The following CXADR variants were observed in gnomAD, a reference collection of about 807,000 sequenced individuals.
CXADR encodes coxsackievirus and adenovirus receptor.
CXADR carries 20 observed loss-of-function variants against 40.3 expected under a neutral mutation model. That is an observed-to-expected ratio of 0.50 (90% CI 0.35 to 0.72). The LOEUF is 0.72. Ranked by LOEUF, CXADR falls within the 30% of genes least tolerant of loss-of-function variation. CXADR has a pLI of 0.01. For missense variants in CXADR, 332 were observed against 449.1 expected (o/e 0.74, Z 2.36); for synonymous variants, 150 against 161.3 (o/e 0.93, Z 0.53).
At chr21:17,636,142 C>G in the CXADR span, among the ~76,000 whole-genome samples, 2 of 151,948 alleles carry the variant, frequency 1.3e-5, no homozygotes, top group South Asian at 4.2e-4. Flanking sequence ...GACTTTGTAC[C>G]CTGCCACTGA....
chr21:17,616,524 A>G, the CXADR span, among the ~76,000 whole-genome samples: 1 of 151,732 alleles, frequency 6.6e-6, no homozygotes, highest in Non-Finnish European at 1.5e-5. Flanking sequence ...TTTAGTAGAG[A>G]CAAGGTTTCA....
intron 7 of CXADR, among the ~76,000 whole-genome samples, chr21:17,575,694 C>T (rs1243733907): frequency 6.6e-6 from 1 of 150,898 alleles, no homozygotes; most frequent in African/African-American, 2.4e-5. Context: ...AGGGTTTCAC[C>T]GTGTTAGTCA....
chr21:17,564,219 G>A (rs560758774), intron 6 of CXADR, among the ~76,000 whole-genome samples: 38 of 150,706 alleles, frequency 2.5e-4, no homozygotes, highest in Non-Finnish European at 5.2e-4. Flanking sequence ...GCGGCCAGGC[G>A]CAGTGACTCA....
chr21:17,557,373 C>T (rs1424071105), intron 3 of CXADR, among the ~76,000 whole-genome samples: 1 of 152,224 alleles, frequency 6.6e-6, no homozygotes, highest in Non-Finnish European at 1.5e-5. Flanking sequence ...GTTTAATCCT[C>T]ATTTTTCCTA....
At chr21:17,602,111 T>C in the CXADR span, among the ~76,000 whole-genome samples, 3 of 150,872 alleles carry the variant, frequency 2.0e-5, no homozygotes, top group South Asian at 2.1e-4. Flanking sequence ...AAACAATCAA[T>C]AGTATTTAAC....
In CXADR at chr21:17,565,614, A is replaced by C; in HGVS notation, c.1020A>C (p.Val340=). The stretch of plus-strand genomic sequence containing the variant: ...GTCCGACTCTCCCACCTGCTAAGGT[A>C]GCTGCCCCTAATCTAAGTCGAATGG... ...PQSPTLPPAK[V]AAPNLSRMGA... The change falls in exon 7 of 7, where the codon GTA becomes GTC. Residue 340 remains valine, a synonymous_variant. Transcript: ENST00000284878. 1 of 1,612,760 alleles carries C rather than the reference A, an allele frequency of 6.2e-7. No homozygotes were observed. Among genetic ancestry groups the C allele is most frequent in the East Asian group, 2.2e-5 (1 of 44,882 alleles).
At chr21:17,573,648 C>T (rs2061297345), downstream of CXADR, among the ~76,000 whole-genome samples, 1 of 152,184 alleles carries the variant, frequency 6.6e-6, no homozygotes, top group Non-Finnish European at 1.5e-5. Context: ...GTGGCTCACA[C>T]CTGTAATCTC....
downstream of CXADR, chr21:17,570,259 T>C (rs2061266939): frequency 1.1e-6 from 1 of 877,624 alleles, no homozygotes; most frequent in Non-Finnish European, 1.4e-6. Context: ...TAATACATCA[T>C]TGAAAACATG....
At chr21:17,579,232 CTG>C (rs1376966658) in intron 7 of CXADR, among the ~76,000 whole-genome samples, 5 of 151,950 alleles carry the variant, frequency 3.3e-5, no homozygotes, top group South Asian at 2.1e-4. Context: ...ACATTTGTGA[CTG>C]TGTGGATAGG....
chr21:17,594,986 A>C (rs1429363338), downstream of CXADR, among the ~76,000 whole-genome samples: 1 of 151,606 alleles, frequency 6.6e-6, no homozygotes, highest in African/African-American at 2.4e-5. Context: ...GTGTATCCCT[A>C]AACCTAAAAT....
At chr21:17,513,289 C>A in intron 1 of CXADR, 117 bp downstream of exon 1, 1 of 1,003,788 alleles carries the variant, frequency 1.0e-6, no homozygotes, top group Non-Finnish European at 1.3e-6. Context: ...GGGGGCGCTG[C>A]TGCAGGGGCG....
At chr21:17,515,063 CA>C (rs1205602367) in intron 1 of CXADR, among the ~76,000 whole-genome samples, 4 of 151,628 alleles carry the variant, frequency 2.6e-5, no homozygotes, top group Non-Finnish European at 2.9e-5. Context: ...ATAAGGTATA[CA>C]CGGGTACAGT....
chr21:17,546,105 G>C (rs913891617), intron 1 of CXADR, among the ~76,000 whole-genome samples: 1 of 152,156 alleles, frequency 6.6e-6, no homozygotes, highest in African/African-American at 2.4e-5. Context: ...TAAGTAAATT[G>C]ACAGTGTTCC....
the CXADR span, among the ~76,000 whole-genome samples, chr21:17,604,526 T>G: frequency 4.6e-5 from 7 of 152,142 alleles, no homozygotes; most frequent in Non-Finnish European, 8.8e-5. Flanking sequence ...TGGGATTAGC[T>G]TCTTAATTTG....
rs370943220 is a variant in CXADR at position 17,551,710 on chromosome 21, G to T, written c.211-39G>T. 682 of 1,553,838 alleles carry T rather than the reference G, an allele frequency of 4.4e-4. 7 individuals are homozygous for T. In the South Asian group the frequency reaches 7.5e-3, roughly 17 times the overall value. On this transcript the variant is annotated intron_variant, in intron 2 of 6. Transcript: ENST00000284878. ...TTAAGAGACAGTTTTTTTTGTGTGT[G>T]TTTGTTTTTCCTCCTGTCTAATTTT...
the CXADR span, chr21:17,613,597 A>G: frequency 6.6e-6 from 1 of 152,236 alleles, no homozygotes. Flanking sequence ...GAGAGGCTCC[A>G]AAGATGTTGG....
chr21:17,610,339 C>T, the CXADR span, among the ~76,000 whole-genome samples: 2 of 152,060 alleles, frequency 1.3e-5, no homozygotes, highest in African/African-American at 4.8e-5. Context: ...AATTAAATCC[C>T]AAAACTGTTC....
intron 4 of CXADR, 119 bp from the exon 5 acceptor site, chr21:17,560,583 G>C (rs1373522750): frequency 1.1e-6 from 1 of 947,122 alleles, no homozygotes; most frequent in African/African-American, 1.7e-5. Context: ...CTTGCATCCA[G>C]CCTTGGTCTG....
chr21:17,617,911 T>C, the CXADR span, among the ~76,000 whole-genome samples: 2 of 152,262 alleles, frequency 1.3e-5, no homozygotes, highest in Non-Finnish European at 2.9e-5. Flanking sequence ...AGCATTTTAC[T>C]CACCGTAGAA....
Sources: allele counts gnomAD v4.1 joint callset (sites outside exome capture counted in the v4.1 genomes callset), GRCh38; gene constraint gnomAD v4.1.1; transcripts MANE v1.5; gene names NCBI Gene and HGNC (gene_info 2026-07-23, HGNC 2026-07-21).